PDE1C: variants seen among roughly 807,000 people sequenced by gnomAD.
PDE1C encodes the protein dual specificity calcium/calmodulin-dependent 3',5'-cyclic nucleotide phosphodiesterase 1C.
A neutral mutation model predicts 93.1 loss-of-function variants in PDE1C; 62 were observed. The observed-to-expected ratio is 0.67, with a 90% confidence interval of 0.54 to 0.82. The LOEUF is 0.82. Ranked by LOEUF, PDE1C falls within the 40% of genes least tolerant of loss-of-function variation. PDE1C has a pLI of 0.00. For synonymous variants in PDE1C, 325 were observed against 310.1 expected (o/e 1.05, Z -0.50); for missense variants, 742 against 884.6 (o/e 0.84, Z 2.04).
intron 2 of PDE1C, among the ~76,000 whole-genome samples, chr7:32,024,270 G>T (rs1789107864): frequency 6.6e-6 from 1 of 151,784 alleles, no homozygotes; most frequent in Non-Finnish European, 1.5e-5. Context: ...AACCTGATTT[G>T]GGGGGAAATT....
At chr7:32,285,758 G>C (rs956825152) in intron 1 of PDE1C, among the ~76,000 whole-genome samples, 1 of 146,100 alleles carries the variant, frequency 6.8e-6, no homozygotes, top group Admixed American at 6.8e-5. Context: ...AGAGAAGAGA[G>C]GGGGGAGAGA....
At position 31,802,068 on chromosome 7, in the gene PDE1C, T is replaced by G. The variant is rs1438532330; in HGVS notation, c.1891+6963A>C. Among the ~76,000 whole-genome samples, 6 of 151,460 alleles carry G rather than the reference T, an allele frequency of 4.0e-5. No individual in the cohort carries two copies. The East Asian group carries it at 1.2e-3, about 29-fold the overall frequency. On this transcript the variant is annotated intron_variant, in intron 16 of 17. Transcript: ENST00000396191. ...GCACTTAAGTCATTTATATTTAACG[T>G]GATAACTGATTTGCTTTGTTTTAAT...
intron 1 of PDE1C, among the ~76,000 whole-genome samples, chr7:32,295,392 G>A (rs544589842): frequency 2.0e-5 from 3 of 152,322 alleles, no homozygotes; most frequent in East Asian, 3.9e-4. Context: ...GTGCCTTCTG[G>A]CAAATTATTT....
chr7:32,265,337 A>C (rs1234435379), intron 1 of PDE1C, among the ~76,000 whole-genome samples: 1 of 152,186 alleles, frequency 6.6e-6, no homozygotes, highest in Non-Finnish European at 1.5e-5. Context: ...GCATGCATCC[A>C]ACTGTCCCCC....
intron 1 of PDE1C, among the ~76,000 whole-genome samples, chr7:32,277,235 C>A (rs191720499): frequency 4.2e-4 from 64 of 152,270 alleles, no homozygotes; most frequent in Non-Finnish European, 2.1e-4. Context: ...GGTGATGGAG[C>A]AAGACCCTGC....
chr7:32,098,568 G>A (rs1245369722), intron 3 of PDE1C, among the ~76,000 whole-genome samples: 1 of 152,148 alleles, frequency 6.6e-6, no homozygotes, highest in African/African-American at 2.4e-5. Context: ...TAGAAAGGTA[G>A]ACACACAGGA....
chr7:32,403,671 T>C (rs1460910566), intron 1 of PDE1C, among the ~76,000 whole-genome samples: 1 of 152,204 alleles, frequency 6.6e-6, no homozygotes, highest in African/African-American at 2.4e-5. Context: ...CTAAAACTAC[T>C]CTATGATTCA....
At chr7:31,966,735 A>C (rs1441906644) in intron 2 of PDE1C, among the ~76,000 whole-genome samples, 1 of 152,260 alleles carries the variant, frequency 6.6e-6, no homozygotes, top group East Asian at 1.9e-4. Context: ...CAAATGTGAA[A>C]GAACAGAAAT....
chr7:31,814,019 CGT>C (rs147151538), intron 15 of PDE1C, among the ~76,000 whole-genome samples: 135,381 of 149,446 alleles, frequency 0.91, 61,905 homozygotes, highest in Non-Finnish European at 0.96. Context: ...AGTATTCCAT[CGT>C]GTGTGTGTGT....
At chr7:31,889,534 C>T (rs1297134907) in intron 2 of PDE1C, among the ~76,000 whole-genome samples, 1 of 152,202 alleles carries the variant, frequency 6.6e-6, no homozygotes, top group Non-Finnish European at 1.5e-5. Context: ...CATGGATTTT[C>T]TGATGAATAT....
At chr7:31,906,055 C>G (rs1438561266) in intron 2 of PDE1C, among the ~76,000 whole-genome samples, 1 of 152,146 alleles carries the variant, frequency 6.6e-6, no homozygotes, top group Non-Finnish European at 1.5e-5. Flanking sequence ...GTCAATTATA[C>G]CTCTTTCCTT....
At chr7:32,222,606 A>G (rs955642581) in intron 1 of PDE1C, among the ~76,000 whole-genome samples, 7 of 152,206 alleles carry the variant, frequency 4.6e-5, no homozygotes, top group Non-Finnish European at 7.3e-5. Flanking sequence ...GGGGGTTACA[A>G]ACTGGAGGCA....
chr7:32,214,262 G>C (rs1257404261), intron 1 of PDE1C, among the ~76,000 whole-genome samples: 8 of 152,028 alleles, frequency 5.3e-5, no homozygotes, highest in Non-Finnish European at 1.2e-4. Context: ...TTTAAGGGTA[G>C]TCCTGGATCA....
chr7:32,245,520 C>T (rs1808862224), intron 1 of PDE1C, among the ~76,000 whole-genome samples: 1 of 152,200 alleles, frequency 6.6e-6, no homozygotes, highest in Non-Finnish European at 1.5e-5. Flanking sequence ...CCTTCCCCTC[C>T]TCTACTATCC....
chr7:31,993,298 T>C (rs1445603613), intron 2 of PDE1C, among the ~76,000 whole-genome samples: 2 of 152,168 alleles, frequency 1.3e-5, no homozygotes, highest in African/African-American at 4.8e-5. Context: ...TGGCTAACAT[T>C]TGAGTAGGTT....
exon 1 of PDE1C, chr7:32,298,873 G>A (rs1227290888): frequency 1.5e-6 from 2 of 1,375,458 alleles, no homozygotes; most frequent in East Asian, 5.9e-5. Context: ...GCCCCGCCGC[G>A]CGCTGGCAGC....
intron 1 of PDE1C, among the ~76,000 whole-genome samples, chr7:32,059,096 C>T (rs941275056): frequency 2.6e-5 from 4 of 152,190 alleles, no homozygotes; most frequent in South Asian, 2.1e-4. Context: ...CAGACTCATA[C>T]TGTCATTGAA....
intron 3 of PDE1C, among the ~76,000 whole-genome samples, chr7:32,136,164 T>A (rs1800195470): frequency 6.6e-6 from 1 of 152,082 alleles, no homozygotes; most frequent in South Asian, 2.1e-4. Context: ...CTTTAAGTTA[T>A]AAGATGAACA....
the PDE1C span, among the ~76,000 whole-genome samples, chr7:31,666,653 G>A: frequency 1.3e-5 from 2 of 152,096 alleles, no homozygotes; most frequent in Admixed American, 6.6e-5. Flanking sequence ...ATCCTTTATG[G>A]TGTAGAGTTC....
Sources: gnomAD v4.1 joint callset for allele counts (sites outside exome capture counted in the v4.1 genomes callset) on GRCh38, gnomAD v4.1.1 for gene constraint, MANE v1.5 for transcripts, NCBI Gene and HGNC (gene_info 2026-07-23, HGNC 2026-07-21) for gene names.